PSG8: variants seen among roughly 807,000 people sequenced by gnomAD.
The protein encoded by PSG8 is pregnancy specific beta-1-glycoprotein 8.
Under a neutral mutation model 42.5 loss-of-function variants are expected in PSG8, and 57 were observed. The observed-to-expected ratio is 1.34, with a 90% CI of 1.08 to 1.67. The LOEUF (loss-of-function observed/expected upper bound fraction) is 1.67. Ranked by LOEUF, PSG8 falls within the 40% of genes most tolerant of loss-of-function variation. The pLI, the probability that PSG8 is intolerant of heterozygous loss-of-function variation, is 0.00. For missense variants in PSG8, 783 were observed against 518.6 expected, an observed-to-expected ratio of 1.51 and a Z score of -4.95; for synonymous variants, 280 against 196.8, an observed-to-expected ratio of 1.42 and a Z score of -3.54.
rs553890173 is a variant in PSG8, at chr19:42,764,034, A to G, written c.312T>C (p.Asn104=). The G allele has an allele frequency of 8.1e-6, 13 of 1,613,758 alleles. No individual in the cohort carries two copies. The highest frequency in any genetic ancestry group is 6.7e-5 in the African/African-American group (5 of 74,942). The change falls in exon 2 of 5, where the codon AAT becomes AAC. Residue 104 remains asparagine, a synonymous_variant. Transcript: ENST00000306511. ...TGACATTCTGGATCAGCAGGGATGC[A>G]TTGGAATATATTGTTTCTCGTCCAC... ...AYSGRETIYS[N]ASLLIQNVTQ...
At chr19:42,764,423 C>G (rs1208840967) in intron 1 of PSG8, 142 bp from the exon 2 acceptor site, 27 of 1,398,372 alleles carry the variant, frequency 1.9e-5, no homozygotes, top group Non-Finnish European at 2.4e-5. Flanking sequence ...CGCACACACA[C>G]ACACAAAAGC....
At chr19:42,754,738 G>A in intron 4 of PSG8, 151 bp from the exon 5 acceptor site, 1 of 1,300,804 alleles carries the variant, frequency 7.7e-7, no homozygotes, top group Non-Finnish European at 1.0e-6. Flanking sequence ...GAATCCTCAG[G>A]TATTCACCTG....
Position 42,758,061 on chromosome 19 carries a change from C to T in PSG8, c.650G>A (p.Cys217Tyr). The T allele has an allele frequency of 1.2e-6, 2 of 1,614,064 alleles. No individual in the cohort carries two copies. Among genetic ancestry groups the T allele is most frequent in the South Asian group, 2.2e-5 (2 of 91,076 alleles). ...VTKYTAGPYE[C>Y]EIRNPVSASR... Reference sequence around the variant, plus strand: ...GGCACTCACTGGGTTCCGTATTTCACATTCATAGGGTCCTGCAGTGTACTT... The same window carrying T: ...GGCACTCACTGGGTTCCGTATTTCATATTCATAGGGTCCTGCAGTGTACTT... Residue 217 changes from cysteine to tyrosine, a missense_variant, in exon 3 of 5, where the codon TGT becomes TAT. Physicochemically the swap from Cys to Tyr is radical, Grantham distance 194. Coordinates refer to ENST00000306511, the MANE Select transcript of PSG8 (RefSeq NM_182707.3).
intron 1 of PSG8, among the ~76,000 whole-genome samples, chr19:42,764,570 G>T (rs1287966146): frequency 6.6e-6 from 1 of 151,918 alleles, no homozygotes; most frequent in Non-Finnish European, 1.5e-5. Context: ...CCAGGGGTCC[G>T]CATGGCCCCC....
downstream of PSG8, chr19:42,753,192 G>T: frequency 1.3e-6 from 1 of 756,124 alleles, no homozygotes; most frequent in South Asian, 1.4e-5. Context: ...TTGTTATGGT[G>T]TCGAACATTT....
At chr19:42,763,468 A>G (rs1175706910) in intron 2 of PSG8, among the ~76,000 whole-genome samples, 2 of 152,150 alleles carry the variant, frequency 1.3e-5, no homozygotes, top group African/African-American at 4.8e-5. Context: ...GCCACAACCC[A>G]GCCCCAGCAC....
At chr19:42,761,992 T>TA (rs1970088379) in intron 2 of PSG8, among the ~76,000 whole-genome samples, 2 of 152,028 alleles carry the variant, frequency 1.3e-5, no homozygotes, top group Non-Finnish European at 2.9e-5. Flanking sequence ...GCTCATTCTC[T>TA]TAGTGACCTG....
At chr19:42,764,776 T>C (rs969157417) in intron 1 of PSG8, among the ~76,000 whole-genome samples, 1 of 152,110 alleles carries the variant, frequency 6.6e-6, no homozygotes, top group Non-Finnish European at 1.5e-5. Context: ...GTGAGCTCCA[T>C]GAGGACAGGG....
downstream of PSG8, chr19:42,753,266 T>G: frequency 1.3e-6 from 1 of 779,484 alleles, no homozygotes; most frequent in South Asian, 1.3e-5. Context: ...TACATTGAGT[T>G]GTCCACCTCC....
chr19:42,763,393 G>T (rs1320869912), intron 2 of PSG8, among the ~76,000 whole-genome samples: 2 of 152,156 alleles, frequency 1.3e-5, no homozygotes, highest in Non-Finnish European at 2.9e-5. Context: ...CTGGTGAACA[G>T]CTCCAGGAGA....
At chr19:42,765,278 G>A (rs75149913) in intron 1 of PSG8, among the ~76,000 whole-genome samples, 6,159 of 151,432 alleles carry the variant, frequency 0.041, 177 homozygotes, top group Middle Eastern at 0.1. Context: ...TCAGCCTCCC[G>A]AGTAGCTAGG....
At chr19:42,762,148 G>A (rs1483177830) in intron 2 of PSG8, among the ~76,000 whole-genome samples, 4 of 151,618 alleles carry the variant, frequency 2.6e-5, no homozygotes, top group African/African-American at 9.8e-5. Context: ...AGTGTCTGGG[G>A]AAGGCCTAGG....
chr19:42,754,632 A>C (rs750910437), intron 4 of PSG8, 45 bp from the exon 5 acceptor site: 14 of 1,583,220 alleles, frequency 8.8e-6, no homozygotes, highest in Non-Finnish European at 1.2e-5. Flanking sequence ...ATCTGAGGGA[A>C]GGGGATGTTC....
chr19:42,760,535 C>T (rs1301000754), intron 2 of PSG8, among the ~76,000 whole-genome samples: 5 of 152,126 alleles, frequency 3.3e-5, no homozygotes, highest in Non-Finnish European at 5.9e-5. Flanking sequence ...CTTTCCTCAG[C>T]TGTGTGCAGT....
intron 1 of PSG8, 101 bp downstream of exon 1, chr19:42,765,417 G>T: frequency 2.6e-6 from 4 of 1,547,108 alleles, no homozygotes; most frequent in Non-Finnish European, 3.5e-6. Flanking sequence ...CTCCCAAAGT[G>T]CTGGCTTCTT....
intron 1 of PSG8, among the ~76,000 whole-genome samples, chr19:42,764,764 G>A (rs542515074): frequency 3.4e-4 from 52 of 152,136 alleles, no homozygotes; most frequent in African/African-American, 1.2e-3. Flanking sequence ...CTCCATGACA[G>A]CGTGAGCTCC....
chr19:42,758,749 T>C lies in PSG8; in HGVS notation c.431-469A>G, dbSNP rs562366136. 6.7e-5 allele frequency: 12 copies of C among 178,152 alleles called. No homozygotes were observed. The South Asian group carries it at 1.4e-3, about 21-fold the overall frequency. The allele number at this position is 178,152 out of a possible 1,614,324, so 11.0% of individuals were successfully genotyped here. A position where few individuals can be genotyped will look rare whatever the true frequency, so the allele number is the denominator to read the frequency against. ...GAACTTCCAATTGTCTTTAAACCCT[T>C]TGGGTACTGGAAAGCCTGGCCTGGG... On this transcript the variant is annotated intron_variant, in intron 2 of 4. Transcript: ENST00000306511.
chr19:42,765,068 A>T (rs375483870), intron 1 of PSG8, among the ~76,000 whole-genome samples: 1 of 150,420 alleles, frequency 6.6e-6, no homozygotes, highest in African/African-American at 2.5e-5. Flanking sequence ...GGTTCCTGTG[A>T]CTTTCCTGTT....
chr19:42,761,317 T>G (rs984708263), intron 2 of PSG8, among the ~76,000 whole-genome samples: 4 of 152,210 alleles, frequency 2.6e-5, no homozygotes, highest in Admixed American at 2.0e-4. Context: ...GGACTGCCTT[T>G]GTAAAACTAG....
Sources: allele counts gnomAD v4.1 joint callset (sites outside exome capture counted in the v4.1 genomes callset), GRCh38; gene constraint gnomAD v4.1.1; transcripts MANE v1.5; gene names NCBI Gene and HGNC (gene_info 2026-07-23, HGNC 2026-07-21).